RNF220: variants seen among roughly 807,000 people sequenced by gnomAD.
RNF220 encodes the protein E3 ubiquitin-protein ligase RNF220.
In RNF220, 7 loss-of-function variants were observed where a neutral mutation model predicts 67.1. The ratio of observed to expected loss-of-function variants is 0.10; its 90% CI spans 0.06 to 0.20. The LOEUF (loss-of-function observed/expected upper bound fraction) is 0.20, where lower values mean the gene tolerates loss of function less well. Ranked by LOEUF, RNF220 falls within the 10% of genes least tolerant of loss-of-function variation. The pLI, the probability that RNF220 is intolerant of heterozygous loss-of-function variation, is 1.00. For synonymous variants in RNF220, 270 were observed against 283.2 expected (o/e 0.95, Z 0.47); for missense variants, 565 against 740.3 (o/e 0.76, Z 2.75).
intron 2 of RNF220, among the ~76,000 whole-genome samples, chr1:44,514,572 G>A (rs966557314): frequency 6.6e-6 from 1 of 152,246 alleles, no homozygotes; most frequent in Non-Finnish European, 1.5e-5. Flanking sequence ...GTGTTGAAAC[G>A]ATCTCCTCTT....
chr1:44,536,271 C>G (rs552052774), intron 2 of RNF220, among the ~76,000 whole-genome samples: 1 of 152,296 alleles, frequency 6.6e-6, no homozygotes, highest in East Asian at 1.9e-4. Context: ...GCAAGAACGA[C>G]GCATCTCCAG....
intron 2 of RNF220, among the ~76,000 whole-genome samples, chr1:44,450,822 A>G (rs1652594279): frequency 6.6e-6 from 1 of 152,170 alleles, no homozygotes; most frequent in African/African-American, 2.4e-5. Flanking sequence ...TATTTCTGCA[A>G]GTTTCTAGAA....
At chr1:44,424,029 A>G in intron 2 of RNF220, 1 of 985,298 alleles carries the variant, frequency 1.0e-6, no homozygotes, top group Non-Finnish European at 1.2e-6. Flanking sequence ...CTCTACATCC[A>G]CGAACATTTC....
chr1:44,455,377 G>A (rs1160331354), intron 2 of RNF220, among the ~76,000 whole-genome samples: 1 of 152,138 alleles, frequency 6.6e-6, no homozygotes, highest in Admixed American at 6.6e-5. Flanking sequence ...AAAAGAAGGG[G>A]AAGAAAAGAA....
chr1:44,644,933 G>C, intron 9 of RNF220, 62 bp from the exon 10 acceptor site: 1 of 1,591,856 alleles, frequency 6.3e-7, no homozygotes, highest in Non-Finnish European at 8.6e-7. Flanking sequence ...ATGCTCTCCT[G>C]AGGATTCAAC....
intron 7 of RNF220, 183 bp from the exon 8 acceptor site, chr1:44,635,847 G>A (rs543300337): frequency 1.8e-4 from 244 of 1,323,202 alleles, no homozygotes; most frequent in Non-Finnish European, 2.4e-4. Context: ...GGGCTCCAGC[G>A]GAAAACTATT....
chr1:44,463,779 A>G (rs1391521717), intron 2 of RNF220, among the ~76,000 whole-genome samples: 3 of 152,168 alleles, frequency 2.0e-5, no homozygotes, highest in Non-Finnish European at 2.9e-5. Context: ...ATTAACCAGG[A>G]GCTGAGAGCC....
intron 2 of RNF220, among the ~76,000 whole-genome samples, chr1:44,471,198 G>C (rs1188745252): frequency 6.6e-6 from 1 of 152,206 alleles, no homozygotes; most frequent in Admixed American, 6.5e-5. Context: ...GTCCGAGGCT[G>C]GTGGATCACC....
chr1:44,629,052 A>G (rs1249789365), intron 5 of RNF220, among the ~76,000 whole-genome samples: 1 of 152,228 alleles, frequency 6.6e-6, no homozygotes, highest in African/African-American at 2.4e-5. Flanking sequence ...CTGGGCTGGA[A>G]AGTCTAAAAT....
chr1:44,600,714 G>A lies in RNF220; in HGVS notation c.626-13451G>A, dbSNP rs1392357646. Among the ~76,000 whole-genome samples the A allele has an allele frequency of 6.6e-6, 1 of 151,988 alleles. No homozygotes were observed. The highest frequency in any genetic ancestry group is 2.4e-5 in the African/African-American group (1 of 41,362). ...CACACACCTGCAGTCCCAGCTACTC[G>A]GGAGGCTGAGGCAGGAGAATCACTT... On this transcript the variant is annotated intron_variant, in intron 2 of 14. Transcript: ENST00000361799. This position sits in a 1 kb window ranked among gnomAD's most constrained non-coding sequence, Gnocchi z 4.0.
intron 2 of RNF220, among the ~76,000 whole-genome samples, chr1:44,474,956 G>A (rs1046371584): frequency 6.6e-6 from 1 of 151,974 alleles, no homozygotes; most frequent in Non-Finnish European, 1.5e-5. Flanking sequence ...AGGGACAACT[G>A]TATTTTGTAA....
At chr1:44,635,440 G>C in intron 6 of RNF220, 105 bp from the exon 7 acceptor site, 1 of 1,515,956 alleles carries the variant, frequency 6.6e-7, no homozygotes, top group Non-Finnish European at 8.9e-7. Context: ...GAATAAAAAG[G>C]CCAATGGCTG....
intron 2 of RNF220, among the ~76,000 whole-genome samples, chr1:44,501,526 C>A (rs1232104456): frequency 0.025 from 3,824 of 152,028 alleles, 146 homozygotes; most frequent in African/African-American, 0.088. Flanking sequence ...GAAGGCTGGG[C>A]AGAGAAGCAT....
At chr1:44,416,173 T>C (rs1329543741) in intron 2 of RNF220, among the ~76,000 whole-genome samples, 1 of 152,192 alleles carries the variant, frequency 6.6e-6, no homozygotes, top group Non-Finnish European at 1.5e-5. Flanking sequence ...AGAAGTGTTT[T>C]GTGAGAAGCC....
chr1:44,507,293 G>A (rs1658518644), intron 2 of RNF220, among the ~76,000 whole-genome samples: 1 of 152,120 alleles, frequency 6.6e-6, no homozygotes, highest in Non-Finnish European at 1.5e-5. Context: ...GGACAACAAA[G>A]TCCAAGCAAG....
In RNF220 at chr1:44,651,656, A is replaced by G. The variant is rs1644788647; in HGVS notation, c.*881A>G. 1 of 152,272 alleles carries G rather than the reference A, an allele frequency of 6.6e-6. No homozygotes were observed. Among genetic ancestry groups the G allele is most frequent in the African/African-American group, 2.4e-5 (1 of 41,378 alleles). 9.4% of individuals were successfully genotyped at this position (152,272 alleles called of 1,614,324 possible). On this transcript the variant is annotated 3_prime_UTR_variant, in exon 15 of 15. Transcript: ENST00000361799. ...GTGTGATGCTGTGTCTGTATATTCTATACAAAGGTACTTGTCCTTTCCCTT... is the reference window on the plus strand; with the variant it reads ...GTGTGATGCTGTGTCTGTATATTCTGTACAAAGGTACTTGTCCTTTCCCTT...
In RNF220 at chr1:44,636,397, C is replaced by T. The variant is rs756094762; in HGVS notation, c.1126+235C>T. On this transcript the variant is annotated intron_variant, in intron 8 of 14. Transcript: ENST00000361799. ...TTGTGAGGCTGCAAGCTAGGAGTGA[C>T]GAAGGGGGGCTCTCAGCTTCGGGTG... is the stretch of plus-strand genomic sequence containing the variant. The T allele has an allele frequency of 6.6e-5, 48 of 726,904 alleles. 2 individuals carry two copies. Among genetic ancestry groups the T allele is most frequent in the Non-Finnish European group, 1.1e-4 (45 of 393,912 alleles). 45.0% of individuals were successfully genotyped at this position (726,904 alleles called of 1,614,324 possible). A position where few individuals can be genotyped will look rare whatever the true frequency, so the allele number is the denominator to read the frequency against.
intron 2 of RNF220, among the ~76,000 whole-genome samples, chr1:44,571,684 A>C (rs1327078545): frequency 6.6e-6 from 1 of 152,148 alleles, no homozygotes; most frequent in African/African-American, 2.4e-5. Flanking sequence ...GCAGCTTCTA[A>C]ATCTTAACTT....
intron 2 of RNF220, among the ~76,000 whole-genome samples, chr1:44,446,278 G>A (rs1221184497): frequency 6.6e-6 from 1 of 152,176 alleles, no homozygotes; most frequent in Non-Finnish European, 1.5e-5. Context: ...AAAGTAAGGG[G>A]TAAAAGTGGG....
Sources: allele counts gnomAD v4.1 joint callset (sites outside exome capture counted in the v4.1 genomes callset), GRCh38; gene constraint gnomAD v4.1.1; non-coding constraint Gnocchi (gnomAD v3.1); transcripts MANE v1.5; gene names NCBI Gene and HGNC (gene_info 2026-07-23, HGNC 2026-07-21).